Variants in TMEM178A observed in about 807,000 individuals in gnomAD.
TMEM178A encodes the protein transmembrane protein 178A, also known as transmembrane protein 178.
Under a neutral mutation model 29.1 loss-of-function variants are expected in TMEM178A, and 12 were observed. The observed-to-expected ratio is 0.41, with a 90% CI of 0.26 to 0.67. The LOEUF (loss-of-function observed/expected upper bound fraction) is 0.67. TMEM178A is among the 30% of genes least tolerant of loss of function. The pLI is 0.29. For synonymous variants in TMEM178A, 210 were observed against 187.2 expected (o/e 1.12, Z -0.99); for missense variants, 366 against 419.1 (o/e 0.87, Z 1.11).
chr2:39,702,001 T>C (rs1671801861), intron 1 of TMEM178A, among the ~76,000 whole-genome samples: 1 of 152,186 alleles, frequency 6.6e-6, no homozygotes, highest in Admixed American at 6.5e-5. Flanking sequence ...ATATTTAAAA[T>C]AGCTGATTTA....
In TMEM178A at chr2:39,668,286, G is replaced by A. The variant is rs1030146310; in HGVS notation, c.400+1912G>A. 2.6e-5 allele frequency among the ~76,000 whole-genome samples: 4 copies of A among 152,154 alleles called. No individual in the cohort carries two copies. In the East Asian group the frequency reaches 5.8e-4, roughly 22 times the overall value. On this transcript the variant is annotated intron_variant, in intron 1 of 3. Coordinates refer to ENST00000281961, the MANE Select transcript of TMEM178A (RefSeq NM_152390.3). Reference sequence around the variant, plus strand: ...AATGGTTGTCTAGCCCAGTACTTCCGTAAGACGGAACTCATATACTCGTTA... The same window carrying A: ...AATGGTTGTCTAGCCCAGTACTTCCATAAGACGGAACTCATATACTCGTTA...
the TMEM178A span, among the ~76,000 whole-genome samples, chr2:39,723,620 TG>T: frequency 1.4e-3 from 217 of 152,328 alleles, no homozygotes; most frequent in Middle Eastern, 6.8e-3. Context: ...GGTGAGGGAC[TG>T]CCTCAGTACC....
downstream of TMEM178A, among the ~76,000 whole-genome samples, chr2:39,722,926 A>T (rs1162627195): frequency 6.6e-6 from 1 of 152,126 alleles, no homozygotes; most frequent in Admixed American, 6.5e-5. Context: ...CCTTAGAGGT[A>T]AATTCCCTCA....
At chr2:39,729,270 C>T in the TMEM178A span, among the ~76,000 whole-genome samples, 1 of 152,194 alleles carries the variant, frequency 6.6e-6, no homozygotes, top group African/African-American at 2.4e-5. Flanking sequence ...TCCTCTACCC[C>T]AGCTAGCCCC....
At chr2:39,724,268 A>T in the TMEM178A span, among the ~76,000 whole-genome samples, 1 of 152,014 alleles carries the variant, frequency 6.6e-6, no homozygotes, top group African/African-American at 2.4e-5. Context: ...TTATTAGATG[A>T]AAGTAATTAT....
chr2:39,703,925 CATT>C (rs1192739297), intron 1 of TMEM178A, among the ~76,000 whole-genome samples, 153 bp from the exon 2 acceptor site: 1 of 152,146 alleles, frequency 6.6e-6, no homozygotes, highest in African/African-American at 2.4e-5. Flanking sequence ...TGATTTTAAA[CATT>C]ATTTTATGTT....
At chr2:39,708,055 A>G (rs1672116874) in intron 3 of TMEM178A, among the ~76,000 whole-genome samples, 2 of 152,320 alleles carry the variant, frequency 1.3e-5, no homozygotes, top group East Asian at 1.9e-4. Context: ...GTTCATTTTT[A>G]TTGTGGAGAG....
At chr2:39,728,809 A>C in the TMEM178A span, among the ~76,000 whole-genome samples, 1 of 152,152 alleles carries the variant, frequency 6.6e-6, no homozygotes, top group Non-Finnish European at 1.5e-5. Flanking sequence ...GATGTATGTA[A>C]GGCTTAGGCA....
At chr2:39,675,893 C>T (rs1015824037) in intron 1 of TMEM178A, among the ~76,000 whole-genome samples, 2 of 151,962 alleles carry the variant, frequency 1.3e-5, no homozygotes, top group Admixed American at 6.6e-5. Context: ...GATTGTCCCA[C>T]CTCAGCTTCT....
the TMEM178A span, among the ~76,000 whole-genome samples, chr2:39,735,555 T>C: frequency 2.0e-5 from 3 of 152,224 alleles, no homozygotes; most frequent in Non-Finnish European, 2.9e-5. Context: ...TCACTGCCTT[T>C]AACCCAAGTA....
At chr2:39,712,193 T>A (rs1672340341) in intron 3 of TMEM178A, among the ~76,000 whole-genome samples, 2 of 151,950 alleles carry the variant, frequency 1.3e-5, no homozygotes, top group African/African-American at 4.8e-5. Flanking sequence ...ACCAAAGAGA[T>A]CAGAACGATG....
chr2:39,679,874 T>C (rs1670793964), intron 1 of TMEM178A, among the ~76,000 whole-genome samples: 1 of 152,170 alleles, frequency 6.6e-6, no homozygotes, highest in South Asian at 2.1e-4. Context: ...GGCTCTTCAC[T>C]GAACCACCCT....
intron 1 of TMEM178A, among the ~76,000 whole-genome samples, chr2:39,701,583 T>C (rs1047587701): frequency 6.6e-6 from 1 of 152,150 alleles, no homozygotes; most frequent in Admixed American, 6.5e-5. Context: ...CAAGTTCATA[T>C]TTTTAATCAA....
intron 1 of TMEM178A, among the ~76,000 whole-genome samples, chr2:39,689,857 G>A (rs1671236438): frequency 6.6e-6 from 1 of 151,906 alleles, no homozygotes; most frequent in Admixed American, 6.6e-5. Flanking sequence ...CCCCATTTGA[G>A]AAAAAAAATC....
At chr2:39,732,177 T>TC in the TMEM178A span, among the ~76,000 whole-genome samples, 1 of 152,108 alleles carries the variant, frequency 6.6e-6, no homozygotes, top group Non-Finnish European at 1.5e-5. Context: ...GAGGAGAACT[T>TC]CCCCACTTTC....
downstream of TMEM178A, among the ~76,000 whole-genome samples, chr2:39,722,789 G>C (rs1399827419): frequency 6.6e-6 from 1 of 152,184 alleles, no homozygotes; most frequent in Non-Finnish European, 1.5e-5. Flanking sequence ...CTAATGAACA[G>C]ACCATTGTCC....
intron 1 of TMEM178A, chr2:39,698,030 A>G (rs1290356307): frequency 2.6e-5 from 4 of 152,242 alleles, no homozygotes; most frequent in Admixed American, 2.6e-4. Flanking sequence ...TCGCCAATCC[A>G]ATCTCCTTCA....
intron 1 of TMEM178A, among the ~76,000 whole-genome samples, chr2:39,668,342 CTATTTTTA>C (rs1424616735): frequency 6.6e-6 from 1 of 152,194 alleles, no homozygotes; most frequent in Non-Finnish European, 1.5e-5. Flanking sequence ...TCACGAATGC[CTATTTTTA>C]GATGAAAACA....
At chr2:39,716,739 T>C (rs930903382) in intron 3 of TMEM178A, among the ~76,000 whole-genome samples, 35 of 152,228 alleles carry the variant, frequency 2.3e-4, no homozygotes, top group African/African-American at 7.7e-4. Flanking sequence ...TATAACCATT[T>C]GAATTAGATA....
Sources: gnomAD v4.1 joint callset for allele counts (sites outside exome capture counted in the v4.1 genomes callset) on GRCh38, gnomAD v4.1.1 for gene constraint, MANE v1.5 for transcripts, NCBI Gene and HGNC (gene_info 2026-07-23, HGNC 2026-07-21) for gene names.